The following AUTS2 variants were observed in gnomAD, a reference collection of about 807,000 sequenced individuals.
AUTS2 encodes activator of transcription and developmental regulator AUTS2.
Under a neutral mutation model 112.4 loss-of-function variants are expected in AUTS2, and 17 were observed. The observed-to-expected ratio is 0.15, with a 90% CI of 0.10 to 0.23. AUTS2 has a LOEUF of 0.23. AUTS2 is among the 10% of genes least tolerant of loss of function. The pLI is 1.00. For synonymous variants in AUTS2, 751 were observed against 702.7 expected (o/e 1.07, Z -1.09); for missense variants, 1,510 against 1,701.6 (o/e 0.89, Z 1.98).
At chr7:70,177,268 C>A (rs1809038921) in intron 4 of AUTS2, among the ~76,000 whole-genome samples, 1 of 152,042 alleles carries the variant, frequency 6.6e-6, no homozygotes, top group South Asian at 2.1e-4. Flanking sequence ...ATGAGCCTTT[C>A]AAGGAGGTAC....
chr7:70,253,834 A>C (rs949252268), intron 4 of AUTS2, among the ~76,000 whole-genome samples: 4 of 151,718 alleles, frequency 2.6e-5, no homozygotes, highest in African/African-American at 9.7e-5. Context: ...GTTTATTTTT[A>C]GTTCATCTAG....
intron 14 of AUTS2, among the ~76,000 whole-genome samples, chr7:70,780,330 G>A (rs1790986697): frequency 6.6e-6 from 1 of 152,172 alleles, no homozygotes; most frequent in Non-Finnish European, 1.5e-5. Flanking sequence ...CTGCCTAAGA[G>A]GATGGTAGGC....
intron 4 of AUTS2, among the ~76,000 whole-genome samples, chr7:70,163,371 G>GGGGGGGA (rs1562753356): frequency 9.0e-6 from 1 of 110,840 alleles, no homozygotes. Flanking sequence ...GAGGGGGAGG[G>GGGGGGGA]AGAAGGAGAG....
chr7:70,096,954 G>C (rs2129568740), intron 2 of AUTS2, among the ~76,000 whole-genome samples: 1 of 152,282 alleles, frequency 6.6e-6, no homozygotes, highest in Middle Eastern at 3.4e-3. Context: ...ACCAAGCTTT[G>C]CTATCTTACG....
chr7:69,648,743 G>A (rs1033356654), intron 1 of AUTS2, among the ~76,000 whole-genome samples: 1 of 152,086 alleles, frequency 6.6e-6, no homozygotes, highest in Non-Finnish European at 1.5e-5. Flanking sequence ...ATGTGTGAAG[G>A]GACCTGTTAT....
chr7:70,380,985 T>C (rs561184069), intron 4 of AUTS2, among the ~76,000 whole-genome samples: 5 of 152,344 alleles, frequency 3.3e-5, no homozygotes, highest in African/African-American at 1.2e-4. Flanking sequence ...TAGAAGAGTA[T>C]AGGATAAATA....
chr7:69,863,425 G>T (rs1167185703), intron 1 of AUTS2, among the ~76,000 whole-genome samples: 1 of 152,066 alleles, frequency 6.6e-6, no homozygotes, highest in Admixed American at 6.6e-5. Context: ...GGGGGATGCT[G>T]GAACCAATCC....
intron 1 of AUTS2, among the ~76,000 whole-genome samples, chr7:69,783,749 C>A (rs908372345): frequency 1.3e-5 from 2 of 152,144 alleles, no homozygotes; most frequent in Non-Finnish European, 2.9e-5. Flanking sequence ...ACTTTTCTTT[C>A]CCCCTTCCTT....
intron 1 of AUTS2, among the ~76,000 whole-genome samples, chr7:69,606,557 T>C (rs1792728462): frequency 6.6e-6 from 1 of 152,246 alleles, no homozygotes; most frequent in South Asian, 2.1e-4. Flanking sequence ...TAAAAGTGTT[T>C]CATGCTGTTT....
Position 69,611,319 on chromosome 7 carries a change from A to G in AUTS2, c.309+11357A>G, listed in dbSNP as rs116343154. Among the ~76,000 whole-genome samples, 996 of 152,238 alleles carry G rather than the reference A, an allele frequency of 6.5e-3. 10 individuals carry two copies. Among genetic ancestry groups the G allele is most frequent in the African/African-American group, 0.023 (948 of 41,538 alleles). The stretch of plus-strand genomic sequence containing the variant: ...TCTTAGAGCCACCTGGGGAGGGAGC[A>G]AATGATAATTGCAGGTGAGATGCAG... On this transcript the variant is annotated intron_variant, in intron 1 of 18. Coordinates refer to ENST00000342771, the MANE Select transcript of AUTS2 (RefSeq NM_015570.4).
Position 70,524,662 on chromosome 7 carries a change from C to G in AUTS2, c.690+88881C>G, listed in dbSNP as rs527796455. On this transcript the variant is annotated intron_variant, in intron 5 of 18. Coordinates refer to ENST00000342771, the MANE Select transcript of AUTS2 (RefSeq NM_015570.4). ...CCAGTTTCTTGGCTTTCCAGGCAGCCTCACATTGCCTTGACTATTACTCCA... is the reference window on the plus strand; with the variant it reads ...CCAGTTTCTTGGCTTTCCAGGCAGCGTCACATTGCCTTGACTATTACTCCA... Among the ~76,000 whole-genome samples the G allele has an allele frequency of 9.8e-5, 15 of 152,308 alleles. No homozygotes were observed. The East Asian group carries it at 2.7e-3, about 27-fold the overall frequency.
intron 5 of AUTS2, among the ~76,000 whole-genome samples, chr7:70,444,529 A>G (rs1362818556): frequency 6.6e-6 from 1 of 152,150 alleles, no homozygotes; most frequent in Non-Finnish European, 1.5e-5. Flanking sequence ...TCTAAACTTT[A>G]TACTTTAAGA....
At chr7:70,624,486 G>A (rs554147968) in intron 5 of AUTS2, among the ~76,000 whole-genome samples, 35 of 152,166 alleles carry the variant, frequency 2.3e-4, no homozygotes, top group African/African-American at 7.0e-4. Context: ...TGAAAGAGGC[G>A]AAGTATAAAC....
Position 70,041,075 on chromosome 7 carries a change from C to T in AUTS2, c.523-77057C>T, listed in dbSNP as rs192775914. On this transcript the variant is annotated intron_variant, in intron 2 of 18. Transcript: ENST00000342771. ...GGTAATTCCCACACACCCTTCCAAA[C>T]TTTACAAGGAGTGAAATAATATAAA... is the stretch of plus-strand genomic sequence containing the variant. Among the ~76,000 whole-genome samples, 14 of 152,290 alleles carry T rather than the reference C, an allele frequency of 9.2e-5. No individual in the cohort carries two copies. In the East Asian group the frequency reaches 2.7e-3, roughly 29 times the overall value.
chr7:70,676,687 G>T (rs1807929427), intron 5 of AUTS2, among the ~76,000 whole-genome samples: 1 of 152,080 alleles, frequency 6.6e-6, no homozygotes, highest in South Asian at 2.1e-4. Flanking sequence ...GACCAGCCTG[G>T]GCAACATGGT....
intron 5 of AUTS2, among the ~76,000 whole-genome samples, chr7:70,466,495 G>C (rs971641472): frequency 1.3e-5 from 2 of 152,096 alleles, no homozygotes; most frequent in Non-Finnish European, 2.9e-5. Context: ...TTTGGGATGC[G>C]GCAACAAACA....
intron 1 of AUTS2, among the ~76,000 whole-genome samples, chr7:69,678,053 C>G (rs1796634568): frequency 6.6e-6 from 1 of 152,162 alleles, no homozygotes; most frequent in Non-Finnish European, 1.5e-5. Flanking sequence ...TGATAAATTA[C>G]TTTTAAGATG....
At chr7:70,063,745 C>A (rs571319832) in intron 2 of AUTS2, among the ~76,000 whole-genome samples, 1 of 152,092 alleles carries the variant, frequency 6.6e-6, no homozygotes, top group Non-Finnish European at 1.5e-5. Context: ...AAAAGAACAC[C>A]GCGAAAAGAG....
intron 4 of AUTS2, among the ~76,000 whole-genome samples, chr7:70,266,466 A>G (rs1289542952): frequency 6.6e-6 from 1 of 152,170 alleles, no homozygotes; most frequent in African/African-American, 2.4e-5. Flanking sequence ...CTTGAAAACT[A>G]CTGAAAACCC....
Sources: gnomAD v4.1 joint callset for allele counts (sites outside exome capture counted in the v4.1 genomes callset) on GRCh38, gnomAD v4.1.1 for gene constraint, MANE v1.5 for transcripts, NCBI Gene and HGNC (gene_info 2026-07-23, HGNC 2026-07-21) for gene names.